The following CFI variants were observed in gnomAD, a reference collection of about 807,000 sequenced individuals.
The protein encoded by CFI is C3B/C4B inactivator.
Under a neutral mutation model 78.8 loss-of-function variants are expected in CFI, and 66 were observed. The ratio of observed to expected loss-of-function variants is 0.84; its 90% CI spans 0.69 to 1.03. The LOEUF (loss-of-function observed/expected upper bound fraction) is 1.03, where lower values mean the gene tolerates loss of function less well. CFI is among the 50% of genes least tolerant of loss of function. The probability of loss-of-function intolerance (pLI) is 0.00; values close to 1 mark genes in which losing one functional copy is unlikely to be tolerated. For missense variants in CFI, 706 were observed against 704.5 expected (o/e 1.00, Z -0.02); for synonymous variants, 250 against 232.6 (o/e 1.07, Z -0.68).
chr4:109,799,123 C>T (rs1338008640), intron 1 of CFI, among the ~76,000 whole-genome samples: 1 of 152,084 alleles, frequency 6.6e-6, no homozygotes, highest in Non-Finnish European at 1.5e-5. Context: ...TATGGGGCTT[C>T]CTAAACTCCC....
intron 1 of CFI, among the ~76,000 whole-genome samples, chr4:109,797,249 G>A (rs74771380): frequency 1.3e-5 from 2 of 152,126 alleles, no homozygotes; most frequent in Non-Finnish European, 2.9e-5. Flanking sequence ...ATGGAACAAA[G>A]TAGAAAGTTC....
At chr4:109,752,340 T>C in intron 8 of CFI, 128 bp downstream of exon 8, 4 of 787,142 alleles carry the variant, frequency 5.1e-6, no homozygotes, top group Non-Finnish European at 4.2e-6. Flanking sequence ...AATAATAATG[T>C]TATATTTTTT....
At chr4:109,746,737 G>T (rs570993330) in intron 10 of CFI, among the ~76,000 whole-genome samples, 1 of 152,284 alleles carries the variant, frequency 6.6e-6, no homozygotes, top group East Asian at 1.9e-4. Context: ...GGAACATAAA[G>T]AACACATTAA....
At chr4:109,795,783 C>CAA (rs1249370838) in intron 1 of CFI, among the ~76,000 whole-genome samples, 1 of 151,900 alleles carries the variant, frequency 6.6e-6, no homozygotes, top group Non-Finnish European at 1.5e-5. Context: ...TCAGTGAACT[C>CAA]AAAGACAGGT....
intron 1 of CFI, among the ~76,000 whole-genome samples, chr4:109,772,058 T>C (rs1728674983): frequency 6.6e-6 from 1 of 152,232 alleles, no homozygotes; most frequent in Admixed American, 6.5e-5. Flanking sequence ...AACTTTATGA[T>C]AACATTACCA....
chr4:109,785,251 A>T (rs1730595239), intron 1 of CFI, among the ~76,000 whole-genome samples: 1 of 152,154 alleles, frequency 6.6e-6, no homozygotes, highest in South Asian at 2.1e-4. Context: ...CTTCACACAG[A>T]CACACGTGAC....
At chr4:109,768,499 T>C (rs1453394556) in intron 1 of CFI, among the ~76,000 whole-genome samples, 4 of 152,150 alleles carry the variant, frequency 2.6e-5, no homozygotes, top group Non-Finnish European at 5.9e-5. Flanking sequence ...TTAGAAATAC[T>C]ATGTTTGTAA....
In CFI at chr4:109,749,163, A is replaced by G. The variant is rs188761825; in HGVS notation, c.1148+55T>C. ...TGCTTTATCATCTGCCACAATCTCT[A>G]TTACTCACTTTCATTGTTTCGGGAA... On this transcript the variant is annotated intron_variant, in intron 10 of 12. Coordinates refer to ENST00000394634, the MANE Select transcript of CFI (RefSeq NM_000204.5). 46 of 1,418,108 alleles carry G rather than the reference A, an allele frequency of 3.2e-5. No individual in the cohort carries two copies. The African/African-American group carries it at 6.2e-4, about 19-fold the overall frequency. 87.8% of individuals were successfully genotyped at this position (1,418,108 alleles called of 1,614,324 possible). A position where few individuals can be genotyped will look rare whatever the true frequency, so the allele number is the denominator to read the frequency against.
chr4:109,779,745 T>C (rs1343907942), intron 1 of CFI, among the ~76,000 whole-genome samples: 1 of 152,158 alleles, frequency 6.6e-6, no homozygotes. Context: ...ACTACAAGTC[T>C]ACAGTAACCA....
At chr4:109,734,664 C>T in the CFI span, among the ~76,000 whole-genome samples, 1 of 151,960 alleles carries the variant, frequency 6.6e-6, no homozygotes, top group Admixed American at 6.6e-5. Context: ...ATTACCTGGG[C>T]GTGGTGGCAG....
chr4:109,759,591 A>C (rs1726770037), intron 6 of CFI, among the ~76,000 whole-genome samples: 1 of 152,164 alleles, frequency 6.6e-6, no homozygotes, highest in Non-Finnish European at 1.5e-5. Context: ...GTGATATGAT[A>C]TCTAAAATTT....
intron 6 of CFI, chr4:109,760,057 C>T (rs993232836): frequency 2.0e-5 from 14 of 683,204 alleles, no homozygotes; most frequent in African/African-American, 3.5e-5. Context: ...GCAGTGAGAC[C>T]GTCTTTTAAT....
At chr4:109,766,117 C>T (rs542440298) in intron 2 of CFI, among the ~76,000 whole-genome samples, 70 of 151,994 alleles carry the variant, frequency 4.6e-4, no homozygotes, top group African/African-American at 1.7e-3. Context: ...GACTCCGTCT[C>T]AAAAAAACAA....
intron 1 of CFI, among the ~76,000 whole-genome samples, chr4:109,791,576 T>C (rs1324437541): frequency 1.3e-5 from 2 of 152,134 alleles, no homozygotes; most frequent in Non-Finnish European, 2.9e-5. Flanking sequence ...AGTTTTGGGT[T>C]TTACATTTAA....
chr4:109,779,456 A>G (rs996515971), intron 1 of CFI, among the ~76,000 whole-genome samples: 4 of 152,202 alleles, frequency 2.6e-5, no homozygotes, highest in African/African-American at 4.8e-5. Context: ...AAGGAGAACT[A>G]CAAACCACTG....
chr4:109,767,747 A>G lies in CFI; in HGVS notation c.58-923T>C, dbSNP rs1285579614. On this transcript the variant is annotated intron_variant, in intron 1 of 12. Coordinates refer to ENST00000394634, the MANE Select transcript of CFI (RefSeq NM_000204.5). The stretch of plus-strand genomic sequence containing the variant: ...GGCGATTCCTCAGGGATCTAGAACT[A>G]GAAATACCATTTGACCCAGCCATCC... 1.9e-3 allele frequency among the ~76,000 whole-genome samples: 287 copies of G among 151,814 alleles called. 3 individuals carry two copies. Among genetic ancestry groups the G allele is most frequent in the African/African-American group, 6.6e-3 (275 of 41,380 alleles).
intron 1 of CFI, among the ~76,000 whole-genome samples, chr4:109,800,321 GTTTTTT>G (rs554145445): frequency 1.0e-4 from 5 of 48,808 alleles, no homozygotes; most frequent in African/African-American, 1.6e-4. Flanking sequence ...TGGCTTCTCT[GTTTTTT>G]TTTTTTTTTT....
intron 7 of CFI, 36 bp from the exon 8 acceptor site, chr4:109,752,539 G>A: frequency 6.5e-7 from 1 of 1,536,410 alleles, no homozygotes; most frequent in Non-Finnish European, 9.0e-7. Context: ...GTTTAAAGTT[G>A]TTAATTATAG....
At chr4:109,779,161 G>C (rs1016907535) in intron 1 of CFI, among the ~76,000 whole-genome samples, 4 of 151,986 alleles carry the variant, frequency 2.6e-5, no homozygotes, top group African/African-American at 4.8e-5. Flanking sequence ...AGAAATAAAG[G>C]GTATTCAATT....
Sources: gnomAD v4.1 joint callset for allele counts (sites outside exome capture counted in the v4.1 genomes callset) on GRCh38, gnomAD v4.1.1 for gene constraint, MANE v1.5 for transcripts, NCBI Gene and HGNC (gene_info 2026-07-23, HGNC 2026-07-21) for gene names.